Variants in NPY observed in about 807,000 individuals in gnomAD.
The protein encoded by NPY is neuropeptide Y.
Under a neutral mutation model 13.2 loss-of-function variants are expected in NPY, and 11 were observed. The ratio of observed to expected loss-of-function variants is 0.83; its 90% CI spans 0.52 to 1.38. NPY has a LOEUF of 1.38. NPY is among the 40% of genes most tolerant of loss of function. NPY has a pLI of 0.00. For synonymous variants in NPY, 51 were observed against 55.6 expected, an observed-to-expected ratio of 0.92 and a Z score of 0.37; for missense variants, 109 against 125.1, an observed-to-expected ratio of 0.87 and a Z score of 0.61.
Position 24,285,508 on chromosome 7 carries a change from T to G in NPY, c.188+80T>G, listed in dbSNP as rs1266991534. The G allele has an allele frequency of 7.1e-7, 1 of 1,408,988 alleles. No homozygotes were observed. The highest frequency in any genetic ancestry group is 9.7e-7 in the Non-Finnish European group (1 of 1,027,156). 87.3% of individuals were successfully genotyped at this position (1,408,988 alleles called of 1,614,324 possible). A position where few individuals can be genotyped will look rare whatever the true frequency, so the allele number is the denominator to read the frequency against. ...ATCCTGGGGATGTTAGGGAAAGGGA[T>G]TGTTTCTTTTCCTTCGCTCTATCCC... On this transcript the variant is annotated intron_variant, in intron 2 of 3. Coordinates refer to ENST00000242152, the MANE Select transcript of NPY (RefSeq NM_000905.4). This position sits in a 1 kb window ranked among gnomAD's most constrained non-coding sequence, Gnocchi z 4.9.
chr7:24,288,816 A>G (rs1301585611), intron 2 of NPY, among the ~76,000 whole-genome samples: 1 of 152,218 alleles, frequency 6.6e-6, no homozygotes, highest in African/African-American at 2.4e-5. Context: ...TATGGAAAAT[A>G]TAAGACCCAG....
chr7:24,285,448 C>A lies in NPY; in HGVS notation c.188+20C>A, dbSNP rs768439362. Reference sequence around the variant, plus strand: ...GCAGAGGTGGGTGGGACCGCGGGACCGATTCCGGGAGCGCCAGTGCCTGCA... The same window carrying A: ...GCAGAGGTGGGTGGGACCGCGGGACAGATTCCGGGAGCGCCAGTGCCTGCA... On this transcript the variant is annotated intron_variant, in intron 2 of 3. Transcript: ENST00000242152. This position sits in a 1 kb window ranked among gnomAD's most constrained non-coding sequence, Gnocchi z 4.9. The A allele has an allele frequency of 1.2e-6, 2 of 1,603,230 alleles. No homozygotes were observed. Among genetic ancestry groups the A allele is most frequent in the East Asian group, 2.2e-5 (1 of 44,530 alleles).
At chr7:24,291,631 T>C (rs770996706) in intron 3 of NPY, 32 bp from the exon 4 acceptor site, 4 of 1,613,760 alleles carry the variant, frequency 2.5e-6, no homozygotes, top group Non-Finnish European at 3.4e-6. Context: ...TGGGCAGCTT[T>C]CCTTACATGC....
chr7:24,284,651 G>A (rs1166503182), intron 1 of NPY, among the ~76,000 whole-genome samples: 1 of 152,154 alleles, frequency 6.6e-6, no homozygotes, highest in African/African-American at 2.4e-5. Flanking sequence ...GGTTTCCCCG[G>A]CAGCGCCATC....
intron 3 of NPY, among the ~76,000 whole-genome samples, chr7:24,290,775 A>AATAATTATTATTATTATT (rs10701264): frequency 0.031 from 3,992 of 129,538 alleles, 205 homozygotes; most frequent in East Asian, 0.22. Flanking sequence ...TAATAATAAT[A>AATAATTATTATTATTATT]ATTATTATTA....
rs369109190 is a variant in NPY at position 24,291,784 on chromosome 7, A to G, written c.*97A>G. 7.1e-4 allele frequency: 952 copies of G among 1,347,832 alleles called. 7 individuals are homozygous for G. In the African/African-American group the frequency reaches 0.012, roughly 17 times the overall value. The allele number at this position is 1,347,832 out of a possible 1,614,324, so 83.5% of individuals were successfully genotyped here. ...ACCCATCCTACCAATGCATGCAGCC[A>G]CTGTGCTGAATTCTGCAATGTTTTC... On this transcript the variant is annotated 3_prime_UTR_variant, in exon 4 of 4. Transcript: ENST00000242152.
intron 3 of NPY, 144 bp from the exon 4 acceptor site, chr7:24,291,519 A>T: frequency 1.2e-6 from 1 of 860,892 alleles, no homozygotes; most frequent in Non-Finnish European, 1.9e-6. Context: ...GATATTCCAC[A>T]TGGCTTCTTA....
intron 3 of NPY, among the ~76,000 whole-genome samples, chr7:24,290,378 C>T (rs1787556495): frequency 1.3e-5 from 2 of 152,152 alleles, no homozygotes; most frequent in Admixed American, 6.5e-5. Flanking sequence ...ACAGGGTCCA[C>T]CCACGTCTGT....
At chr7:24,287,514 C>T (rs1206544981) in intron 2 of NPY, among the ~76,000 whole-genome samples, 3 of 151,312 alleles carry the variant, frequency 2.0e-5, no homozygotes, top group Non-Finnish European at 4.4e-5. Context: ...TATATATACC[C>T]CTGGCTCATT....
chr7:24,289,312 TA>T (rs1180525659), intron 2 of NPY, among the ~76,000 whole-genome samples, 186 bp from the exon 3 acceptor site: 20 of 152,186 alleles, frequency 1.3e-4, no homozygotes, highest in African/African-American at 4.3e-4. Flanking sequence ...TATATACAAA[TA>T]ATTTGAAATA....
chr7:24,290,775 A>AATAATAATAATTATTATTATT (rs10701264), intron 3 of NPY, among the ~76,000 whole-genome samples: 10,559 of 129,434 alleles, frequency 0.082, 643 homozygotes, highest in Middle Eastern at 0.2. Flanking sequence ...TAATAATAAT[A>AATAATAATAATTATTATTATT]ATTATTATTA....
At chr7:24,289,709 G>A (rs16133) in intron 3 of NPY, 130 bp downstream of exon 3, 8,848 of 552,258 alleles carry the variant, frequency 0.016, 624 homozygotes, top group African/African-American at 0.15. Context: ...GCAGAAATGA[G>A]GATGAAGAAG....
At position 24,288,176 on chromosome 7, in the gene NPY, G is replaced by A. The variant is rs928974686; in HGVS notation, c.189-1323G>A. The stretch of plus-strand genomic sequence containing the variant: ...GCAGTTCTTTTACTCACTGGAGCAT[G>A]ATGAAGATAAATGAGTTACAGTTGC... On this transcript the variant is annotated intron_variant, in intron 2 of 3. Coordinates refer to ENST00000242152, the MANE Select transcript of NPY (RefSeq NM_000905.4). 3.9e-5 allele frequency among the ~76,000 whole-genome samples: 6 copies of A among 152,336 alleles called. No individual in the cohort carries two copies. The South Asian group carries it at 1.2e-3, about 32-fold the overall frequency.
intron 1 of NPY, chr7:24,284,974 G>C (rs777828155): frequency 1.7e-4 from 94 of 549,486 alleles, no homozygotes; most frequent in Non-Finnish European, 2.8e-4. Context: ...TTGCACTCTC[G>C]CCGCGCGCTT....
At chr7:24,287,597 G>C (rs528052472) in intron 2 of NPY, among the ~76,000 whole-genome samples, 5 of 152,170 alleles carry the variant, frequency 3.3e-5, no homozygotes, top group African/African-American at 1.2e-4. Flanking sequence ...CCCTAAATCA[G>C]TGGTTCTCAA....
chr7:24,291,573 T>C, intron 3 of NPY, 90 bp from the exon 4 acceptor site: 3 of 1,467,934 alleles, frequency 2.0e-6, no homozygotes, highest in Non-Finnish European at 2.8e-6. Flanking sequence ...CCCGGTCATC[T>C]TTCACTTCAG....
At chr7:24,284,714 T>C (rs1787289188) in intron 1 of NPY, among the ~76,000 whole-genome samples, 1 of 152,136 alleles carries the variant, frequency 6.6e-6, no homozygotes, top group African/African-American at 2.4e-5. Context: ...CCTCCCTGGA[T>C]TCTTGGGCTC....
In NPY at chr7:24,291,815, T is replaced by G. The variant is rs1787628573; in HGVS notation, c.*128T>G. ...CTGAATTCTGCAATGTTTTCCTTTG[T>G]CATCATTGTATATATGTGTGTTTAA... On this transcript the variant is annotated 3_prime_UTR_variant, in exon 4 of 4. Transcript: ENST00000242152. 3.9e-6 allele frequency: 4 copies of G among 1,014,852 alleles called. No homozygotes were observed. Among genetic ancestry groups the G allele is most frequent in the Non-Finnish European group, 6.1e-6 (4 of 656,334 alleles). The allele number at this position is 1,014,852 out of a possible 1,614,324, so 62.9% of individuals were successfully genotyped here.
chr7:24,284,473 C>G (rs1787278991), intron 1 of NPY, among the ~76,000 whole-genome samples, 198 bp downstream of exon 1: 2 of 152,208 alleles, frequency 1.3e-5, no homozygotes, highest in Admixed American at 1.3e-4. Context: ...TCCTCTGCTC[C>G]CCTCTGATTG....
Sources: gnomAD v4.1 joint callset for allele counts (sites outside exome capture counted in the v4.1 genomes callset) on GRCh38, gnomAD v4.1.1 for gene constraint, Gnocchi (gnomAD v3.1) non-coding constraint, MANE v1.5 for transcripts, NCBI Gene and HGNC (gene_info 2026-07-23, HGNC 2026-07-21) for gene names.